PDZD9: variants seen among roughly 807,000 people sequenced by gnomAD.
PDZD9 encodes PDZ domain-containing protein 9.
In PDZD9, 13 loss-of-function variants were observed where a neutral mutation model predicts 16.3. The observed-to-expected ratio is 0.80, with a 90% confidence interval of 0.52 to 1.27. The LOEUF (loss-of-function observed/expected upper bound fraction) is 1.27, where lower values mean the gene tolerates loss of function less well. PDZD9 is among the 50% of genes most tolerant of loss of function. The pLI, the probability that PDZD9 is intolerant of heterozygous loss-of-function variation, is 0.00. For missense variants in PDZD9, 288 were observed against 310.9 expected, an observed-to-expected ratio of 0.93 and a Z score of 0.55; for synonymous variants, 120 against 111.0, an observed-to-expected ratio of 1.08 and a Z score of -0.51.
the PDZD9 span, among the ~76,000 whole-genome samples, chr16:21,965,075 C>T: frequency 3.3e-5 from 5 of 152,038 alleles, no homozygotes; most frequent in East Asian, 1.9e-4. Flanking sequence ...GGCAAGATGG[C>T]GGCAGAACCA....
chr16:21,993,448 C>T (rs1270106392), intron 2 of PDZD9, among the ~76,000 whole-genome samples: 1 of 152,184 alleles, frequency 6.6e-6, no homozygotes, highest in African/African-American at 2.4e-5. Flanking sequence ...GTTTATTCTC[C>T]ACCACCAAGT....
chr16:21,973,961 C>T, the PDZD9 span: 1 of 1,608,886 alleles, frequency 6.2e-7, no homozygotes, highest in Non-Finnish European at 8.5e-7. Context: ...TCTCCCAGGC[C>T]ACAGCTGCTG....
the PDZD9 span, chr16:21,965,652 C>A: frequency 3.3e-6 from 2 of 598,384 alleles, no homozygotes; most frequent in Non-Finnish European, 5.3e-6. Context: ...TGCTTTTTAA[C>A]TAAAATTTTA....
chr16:21,975,875 G>A, the PDZD9 span, among the ~76,000 whole-genome samples: 1 of 152,142 alleles, frequency 6.6e-6, no homozygotes, highest in Non-Finnish European at 1.5e-5. Flanking sequence ...AGGATCACTT[G>A]AGCCCACACA....
intron 2 of PDZD9, among the ~76,000 whole-genome samples, chr16:21,990,544 A>G (rs893559388): frequency 6.6e-6 from 1 of 152,206 alleles, no homozygotes; most frequent in East Asian, 1.9e-4. Flanking sequence ...GGGTAATACA[A>G]TCAACCATGT....
At chr16:21,963,232 A>G in the PDZD9 span, 1 of 169,558 alleles carries the variant, frequency 5.9e-6, no homozygotes. Context: ...CCTGGCCTCA[A>G]GTGATCCACC....
chr16:21,987,248 C>T (rs913439324), intron 3 of PDZD9, among the ~76,000 whole-genome samples: 2 of 152,014 alleles, frequency 1.3e-5, no homozygotes, highest in African/African-American at 4.8e-5. Flanking sequence ...GGTGAAACTT[C>T]GTCTCTATTA....
At chr16:21,976,166 G>A in the PDZD9 span, 13 of 1,613,468 alleles carry the variant, frequency 8.1e-6, no homozygotes, top group Non-Finnish European at 1.0e-5. Flanking sequence ...ATCTGTCCTA[G>A]GTTATCAAGG....
the PDZD9 span, among the ~76,000 whole-genome samples, chr16:21,966,713 A>G: frequency 1.3e-5 from 2 of 152,250 alleles, no homozygotes; most frequent in Non-Finnish European, 2.9e-5. Flanking sequence ...AGCCGTTTTC[A>G]TAAGACTGGA....
intron 2 of PDZD9, among the ~76,000 whole-genome samples, chr16:21,994,708 A>T (rs962583443): frequency 1.3e-5 from 2 of 152,238 alleles, no homozygotes; most frequent in African/African-American, 4.8e-5. Flanking sequence ...CCTACGAAAG[A>T]AAATATCTTT....
the PDZD9 span, chr16:21,957,644 T>G: frequency 6.5e-6 from 10 of 1,542,902 alleles, no homozygotes; most frequent in Non-Finnish European, 8.7e-6. Context: ...CTAAGATCAA[T>G]GTCTTTATAT....
the PDZD9 span, among the ~76,000 whole-genome samples, chr16:21,961,896 G>C: frequency 1.3e-5 from 2 of 151,206 alleles, no homozygotes; most frequent in African/African-American, 2.4e-5. Flanking sequence ...CAAGTGATCC[G>C]CCCACCTCGG....
chr16:21,965,410 G>A, the PDZD9 span: 1 of 1,613,746 alleles, frequency 6.2e-7, no homozygotes, highest in Non-Finnish European at 8.5e-7. Context: ...TCTCACAGAT[G>A]TCATTGAAAA....
downstream of PDZD9, among the ~76,000 whole-genome samples, chr16:21,981,998 G>A (rs1032432179): frequency 7.3e-5 from 11 of 151,310 alleles, no homozygotes; most frequent in Non-Finnish European, 1.2e-4. Context: ...CCACCACCAC[G>A]GCCGGCTAAT....
the PDZD9 span, chr16:21,962,635 A>G: frequency 6.3e-7 from 1 of 1,589,906 alleles, no homozygotes; most frequent in East Asian, 2.2e-5. Flanking sequence ...TTGTTCATAA[A>G]CTGCTCAAAA....
At chr16:21,998,922 G>T in intron 1 of PDZD9, 1 of 227,242 alleles carries the variant, frequency 4.4e-6, no homozygotes, top group South Asian at 8.3e-5. Flanking sequence ...CTTCATTTTG[G>T]AGAGAAGACT....
At chr16:21,997,091 G>A (rs2141963404) in intron 1 of PDZD9, among the ~76,000 whole-genome samples, 1 of 152,270 alleles carries the variant, frequency 6.6e-6, no homozygotes, top group Middle Eastern at 3.4e-3. Flanking sequence ...CCAAAGTGCT[G>A]GCATTACAGG....
At chr16:21,958,501 A>G in the PDZD9 span, 1 of 1,603,966 alleles carries the variant, frequency 6.2e-7, no homozygotes. Context: ...TGGCATTGAA[A>G]AGCTACAAAG....
the PDZD9 span, among the ~76,000 whole-genome samples, chr16:21,960,147 C>T: frequency 2.0e-5 from 3 of 152,204 alleles, no homozygotes; most frequent in African/African-American, 2.4e-5. Flanking sequence ...ATGTCCTGGA[C>T]GGCATCTTCC....
Sources: allele counts gnomAD v4.1 joint callset (sites outside exome capture counted in the v4.1 genomes callset), GRCh38; gene constraint gnomAD v4.1.1; transcripts MANE v1.5; gene names NCBI Gene and HGNC (gene_info 2026-07-23, HGNC 2026-07-21).